DDAH1: variants seen among roughly 807,000 people sequenced by gnomAD.
The protein encoded by DDAH1 is N(G),N(G)-dimethylarginine dimethylaminohydrolase 1.
DDAH1 carries 19 observed loss-of-function variants against 28.8 expected under a neutral mutation model. The observed-to-expected ratio is 0.66, with a 90% CI of 0.46 to 0.97. The LOEUF is 0.97. Among genes scored for constraint, DDAH1 ranks in the 50% least tolerant of loss-of-function variants. DDAH1 has a pLI of 0.00. For synonymous variants in DDAH1, 153 were observed against 154.4 expected, an observed-to-expected ratio of 0.99 and a Z score of 0.07; for missense variants, 326 against 375.9, an observed-to-expected ratio of 0.87 and a Z score of 1.10.
intron 1 of DDAH1, among the ~76,000 whole-genome samples, chr1:85,532,538 G>T (rs1372260311): frequency 2.0e-5 from 3 of 151,906 alleles, no homozygotes; most frequent in Non-Finnish European, 4.4e-5. Context: ...CAGGCACTCT[G>T]CCATGTGCTT....
intron 1 of DDAH1, chr1:85,399,172 G>A (rs546284344): frequency 2.6e-5 from 4 of 152,134 alleles, no homozygotes; most frequent in South Asian, 2.1e-4. Context: ...CTAGATAAAG[G>A]AGCATACTCC....
intron 2 of DDAH1, among the ~76,000 whole-genome samples, chr1:85,484,947 C>T (rs1264689865): frequency 6.6e-6 from 1 of 152,186 alleles, no homozygotes; most frequent in Non-Finnish European, 1.5e-5. Flanking sequence ...TTGAACATTT[C>T]ATCAACTGCT....
At chr1:85,343,213 T>C (rs78932989) in intron 4 of DDAH1, among the ~76,000 whole-genome samples, 1,830 of 152,322 alleles carry the variant, frequency 0.012, 20 homozygotes, top group Middle Eastern at 0.02. Context: ...AAGCACATTA[T>C]TCCCTTTCTC....
At chr1:85,509,070 G>A (rs1166209522) in intron 1 of DDAH1, among the ~76,000 whole-genome samples, 2 of 152,208 alleles carry the variant, frequency 1.3e-5, no homozygotes, top group Non-Finnish European at 2.9e-5. Context: ...TCCTAGTAGG[G>A]GCTGACAGAT....
At chr1:85,518,669 T>C (rs1157250090) in intron 1 of DDAH1, among the ~76,000 whole-genome samples, 1 of 152,210 alleles carries the variant, frequency 6.6e-6, no homozygotes, top group Non-Finnish European at 1.5e-5. Flanking sequence ...TGCACCTAGA[T>C]AGTCCAGCAT....
chr1:85,547,477 GC>G (rs1658662439), intron 1 of DDAH1, among the ~76,000 whole-genome samples: 1 of 152,140 alleles, frequency 6.6e-6, no homozygotes, highest in African/African-American at 2.4e-5. Context: ...CACTAAACAT[GC>G]TTTTGCCTTC....
chr1:85,434,975 C>T (rs1273003789), intron 1 of DDAH1, among the ~76,000 whole-genome samples: 5 of 152,032 alleles, frequency 3.3e-5, no homozygotes, highest in African/African-American at 9.7e-5. Flanking sequence ...ACCCAGATTA[C>T]ATACCCTTTT....
intron 1 of DDAH1, among the ~76,000 whole-genome samples, chr1:85,398,212 A>T (rs1258861656): frequency 6.6e-6 from 1 of 152,162 alleles, no homozygotes; most frequent in Non-Finnish European, 1.5e-5. Context: ...GTATAATCTG[A>T]GATTGTTTGT....
At chr1:85,458,424 CTT>C (rs3058826) in intron 1 of DDAH1, among the ~76,000 whole-genome samples, 29,827 of 101,154 alleles carry the variant, frequency 0.29, 3,907 homozygotes, top group South Asian at 0.38. Flanking sequence ...TACACACACA[CTT>C]TTTTTTTTTT....
chr1:85,338,876 T>TAA lies in DDAH1; in HGVS notation c.597+11537_597+11538dup, dbSNP rs35025364. On this transcript the variant is annotated intron_variant, in intron 4 of 5. Transcript: ENST00000284031. ...CCAACATGGTAAACCCCATCTCTAC[T>TAA]AAAAAAAAAAAAATACAAAAATTAG... Among the ~76,000 whole-genome samples, 536 of 143,654 alleles carry TAA rather than the reference T, an allele frequency of 3.7e-3. 2 individuals are homozygous for TAA. Among genetic ancestry groups the TAA allele is most frequent in the Non-Finnish European group, 4.9e-3 (320 of 65,576 alleles). The allele number at this position is 143,654 out of a possible 152,430, so 94.2% of individuals were successfully genotyped here. A position where few individuals can be genotyped will look rare whatever the true frequency, so the allele number is the denominator to read the frequency against.
At chr1:85,560,941 C>T (rs529970001) in intron 1 of DDAH1, among the ~76,000 whole-genome samples, 23 of 152,008 alleles carry the variant, frequency 1.5e-4, no homozygotes, top group Non-Finnish European at 3.1e-4. Flanking sequence ...ACAAAATTAA[C>T]TGAAATTTTT....
chr1:85,321,651 C>T (rs1498374), intron 5 of DDAH1, 83 bp from the exon 6 acceptor site: 192,007 of 1,056,364 alleles, frequency 0.18, 18,544 homozygotes, highest in Admixed American at 0.21. Flanking sequence ...TTGATTTGTA[C>T]ATCTAGGCTT....
chr1:85,405,467 T>C (rs1424691010), intron 1 of DDAH1, among the ~76,000 whole-genome samples: 1 of 152,194 alleles, frequency 6.6e-6, no homozygotes, highest in African/African-American at 2.4e-5. Flanking sequence ...TCAGGACGCT[T>C]AAGCATGTAA....
intron 1 of DDAH1, among the ~76,000 whole-genome samples, chr1:85,434,996 A>C (rs1250718078): frequency 2.6e-5 from 4 of 152,112 alleles, no homozygotes; most frequent in African/African-American, 9.6e-5. Context: ...ATCTTGTTTT[A>C]TGTCTCTAAG....
intron 1 of DDAH1, among the ~76,000 whole-genome samples, chr1:85,556,367 T>A (rs1002372658): frequency 6.6e-6 from 1 of 152,228 alleles, no homozygotes; most frequent in Non-Finnish European, 1.5e-5. Context: ...GATTAATGTA[T>A]GAGGTAGATC....
chr1:85,577,952 C>A, intron 1 of DDAH1: 1 of 985,256 alleles, frequency 1.0e-6, no homozygotes, highest in African/African-American at 1.7e-5. Flanking sequence ...GCAAAAGAGC[C>A]ATACAGAATT....
At chr1:85,365,181 C>T (rs886507974) in intron 1 of DDAH1, among the ~76,000 whole-genome samples, 1 of 152,156 alleles carries the variant, frequency 6.6e-6, no homozygotes, top group Admixed American at 6.5e-5. Context: ...AGTCTCATAG[C>T]AAGTAAGCAG....
intron 2 of DDAH1, among the ~76,000 whole-genome samples, chr1:85,481,707 T>A (rs1288134866): frequency 6.6e-6 from 1 of 152,210 alleles, no homozygotes; most frequent in Non-Finnish European, 1.5e-5. Flanking sequence ...CAGGTTATTA[T>A]CAGGTTATTT....
chr1:85,476,309 C>T (rs573180360), intron 2 of DDAH1, among the ~76,000 whole-genome samples: 19 of 152,146 alleles, frequency 1.2e-4, no homozygotes, highest in Non-Finnish European at 2.2e-4. Context: ...ACTCTGAAAC[C>T]TAGTGGCTTT....
Sources: gnomAD v4.1 joint callset for allele counts (sites outside exome capture counted in the v4.1 genomes callset) on GRCh38, gnomAD v4.1.1 for gene constraint, MANE v1.5 for transcripts, NCBI Gene and HGNC (gene_info 2026-07-23, HGNC 2026-07-21) for gene names.